Variants in BOLL observed in about 807,000 individuals in gnomAD.
The protein encoded by BOLL is protein boule-like.
In BOLL, 23 loss-of-function variants were observed where a neutral mutation model predicts 44.4. That is an observed-to-expected ratio of 0.52 (90% CI 0.37 to 0.73). The LOEUF (loss-of-function observed/expected upper bound fraction) is 0.73. Among genes scored for constraint, BOLL ranks in the 30% least tolerant of loss-of-function variants. The pLI, the probability that BOLL is intolerant of heterozygous loss-of-function variation, is 0.00. For missense variants in BOLL, 287 were observed against 338.3 expected (o/e 0.85, Z 1.19); for synonymous variants, 97 against 110.8 (o/e 0.88, Z 0.78).
chr2:197,743,038 A>C (rs750750648), intron 10 of BOLL, 23 bp downstream of exon 10: 7 of 1,524,564 alleles, frequency 4.6e-6, no homozygotes, highest in Non-Finnish European at 5.3e-6. Flanking sequence ...AAACAAAGTA[A>C]AAAGTCAAAA....
In BOLL at chr2:197,729,371, G is replaced by A. The variant is rs1260398632; in HGVS notation, c.829-793C>T. Among the ~76,000 whole-genome samples the A allele has an allele frequency of 1.7e-3, 264 of 152,312 alleles. 3 individuals carry two copies. The highest frequency in any genetic ancestry group is 8.3e-4 in the South Asian group (4 of 4,824). ...GCAGTCTGAGCTCTAACTGCAAGGC[G>A]GCAGCGAGGCTGGGGGAGGGGCGCC... On this transcript the variant is annotated intron_variant, in intron 10 of 10. Coordinates refer to ENST00000392296, the MANE Select transcript of BOLL (RefSeq NM_033030.6).
In BOLL at chr2:197,766,545, G is replaced by T. The variant is rs1559411184; in HGVS notation, c.539C>A (p.Ala180Glu). 1.2e-6 allele frequency: 2 copies of T among 1,609,098 alleles called. No homozygotes were observed. Among genetic ancestry groups the T allele is most frequent in the Middle Eastern group, 1.7e-4 (1 of 6,052 alleles). ...MVAQPIYQQP[A>E]YHYQATTQYL... is the part of the protein sequence containing the mutation. ...ATTTATGTTTACCTGGTAGTGATAT[G>T]CAGGTTGCTGATAAATGGGCTGAGC... The change falls in exon 7 of 11, where the codon GCA (alanine) becomes GAA (glutamate). Residue 180 changes from alanine (A) to glutamate (E), a missense_variant. By Grantham distance (107) the Ala-to-Glu change is moderately radical. Transcript: ENST00000392296.
chr2:197,766,646 A>G, intron 6 of BOLL, 43 bp from the exon 7 acceptor site: 1 of 1,398,710 alleles, frequency 7.1e-7, no homozygotes, highest in South Asian at 1.2e-5. Flanking sequence ...GAAGCCTTTA[A>G]AATAGCTCAC....
intron 10 of BOLL, among the ~76,000 whole-genome samples, chr2:197,737,124 T>G (rs1687527928): frequency 6.6e-6 from 1 of 151,822 alleles, no homozygotes; most frequent in Non-Finnish European, 1.5e-5. Context: ...TTCTTAAAGA[T>G]CTATTACTGA....
intron 6 of BOLL, 99 bp downstream of exon 6, chr2:197,771,756 A>G: frequency 7.7e-7 from 1 of 1,298,456 alleles, no homozygotes; most frequent in Non-Finnish European, 1.0e-6. Flanking sequence ...GTGTGTTATT[A>G]TTTGTAATTA....
chr2:197,747,046 T>G (rs1688018538), intron 9 of BOLL, among the ~76,000 whole-genome samples: 1 of 152,104 alleles, frequency 6.6e-6, no homozygotes, highest in South Asian at 2.1e-4. Flanking sequence ...ATAGCATGAC[T>G]ATAGTTAATA....
At chr2:197,769,055 C>T (rs980267271) in intron 6 of BOLL, among the ~76,000 whole-genome samples, 20 of 151,622 alleles carry the variant, frequency 1.3e-4, no homozygotes, top group African/African-American at 3.9e-4. Context: ...CTGCTGGATT[C>T]GGTTTGCCAG....
At chr2:197,759,013 A>G (rs1299425805) in intron 7 of BOLL, 13 of 1,534,040 alleles carry the variant, frequency 8.5e-6, no homozygotes, top group Non-Finnish European at 1.0e-5. Flanking sequence ...ATTCCCTCGT[A>G]AAAAAAGAGA....
At chr2:197,784,765 G>T in intron 1 of BOLL, 1 of 987,586 alleles carries the variant, frequency 1.0e-6, no homozygotes, top group Non-Finnish European at 1.2e-6. Context: ...CAAGGCTCAG[G>T]TGGAGGCAAC....
intron 7 of BOLL, among the ~76,000 whole-genome samples, chr2:197,759,720 T>C (rs1453907697): frequency 6.6e-6 from 1 of 152,174 alleles, no homozygotes; most frequent in Admixed American, 6.5e-5. Flanking sequence ...CTGGCTGACC[T>C]GCCCAGGGTG....
chr2:197,729,129 A>G (rs893092181), intron 10 of BOLL, among the ~76,000 whole-genome samples: 6 of 152,198 alleles, frequency 3.9e-5, no homozygotes, highest in Admixed American at 1.3e-4. Flanking sequence ...CACCGTGCGC[A>G]AGCTGAAGCA....
intron 2 of BOLL, among the ~76,000 whole-genome samples, chr2:197,779,599 T>C (rs1490593772): frequency 6.6e-6 from 1 of 152,012 alleles, no homozygotes; most frequent in Non-Finnish European, 1.5e-5. Flanking sequence ...GGAGTGACTA[T>C]AAGATTTAAA....
At chr2:197,786,001 C>T (rs1488364478), upstream of BOLL, 1 of 1,612,292 alleles carries the variant, frequency 6.2e-7, no homozygotes, top group East Asian at 2.2e-5. This position sits in a 1 kb window ranked among gnomAD's most constrained non-coding sequence, Gnocchi z 5.9. Context: ...ACTCGGTTTC[C>T]ATCTTCCTCT....
chr2:197,729,018 G>A (rs1686990228), intron 10 of BOLL, among the ~76,000 whole-genome samples: 1 of 152,222 alleles, frequency 6.6e-6, no homozygotes, highest in Non-Finnish European at 1.5e-5. Context: ...CTCCCAGCGT[G>A]AGCGACGCAG....
intron 1 of BOLL, among the ~76,000 whole-genome samples, chr2:197,783,573 A>G (rs1299629335): frequency 6.6e-6 from 1 of 152,218 alleles, no homozygotes; most frequent in African/African-American, 2.4e-5. Flanking sequence ...TAATAAGGGA[A>G]TATGTAAATA....
At chr2:197,745,755 A>G (rs1019817629) in intron 9 of BOLL, among the ~76,000 whole-genome samples, 2 of 152,234 alleles carry the variant, frequency 1.3e-5, no homozygotes, top group African/African-American at 2.4e-5. Context: ...TTGGACGAAC[A>G]TAAGGGAGGA....
chr2:197,770,297 A>G (rs1689185519), intron 6 of BOLL, among the ~76,000 whole-genome samples: 1 of 152,220 alleles, frequency 6.6e-6, no homozygotes, highest in Non-Finnish European at 1.5e-5. Context: ...AGCCATATGT[A>G]GAAAGCTGAA....
At chr2:197,785,982 C>T, upstream of BOLL, 1 of 1,609,010 alleles carries the variant, frequency 6.2e-7, no homozygotes, top group East Asian at 2.2e-5. This position sits in a 1 kb window ranked among gnomAD's most constrained non-coding sequence, Gnocchi z 6.7. Flanking sequence ...GCCGTACTCA[C>T]CGGCCCGGAC....
At chr2:197,746,452 G>A (rs562140558) in intron 9 of BOLL, among the ~76,000 whole-genome samples, 1 of 152,266 alleles carries the variant, frequency 6.6e-6, no homozygotes, top group South Asian at 2.1e-4. Flanking sequence ...ATACACAATG[G>A]AATACTGTTC....
Sources: allele counts gnomAD v4.1 joint callset (sites outside exome capture counted in the v4.1 genomes callset), GRCh38; gene constraint gnomAD v4.1.1; non-coding constraint Gnocchi (gnomAD v3.1); transcripts MANE v1.5; gene names NCBI Gene and HGNC (gene_info 2026-07-23, HGNC 2026-07-21).